DHRS9: variants seen among roughly 807,000 people sequenced by gnomAD.
The protein encoded by DHRS9 is dehydrogenase/reductase 9.
Under a neutral mutation model 26.6 loss-of-function variants are expected in DHRS9, and 18 were observed. The ratio of observed to expected loss-of-function variants is 0.68; its 90% CI spans 0.47 to 1.00. DHRS9 has a LOEUF of 1.00. Among genes scored for constraint, DHRS9 ranks in the 50% least tolerant of loss-of-function variants. The probability of loss-of-function intolerance (pLI) is 0.00; values close to 1 mark genes in which losing one functional copy is unlikely to be tolerated. For missense variants in DHRS9, 425 were observed against 378.7 expected, an observed-to-expected ratio of 1.12 and a Z score of -1.01; for synonymous variants, 134 against 141.1, an observed-to-expected ratio of 0.95 and a Z score of 0.36.
chr2:169,081,750 A>G lies in DHRS9; in HGVS notation c.169A>G (p.Ile57Val), dbSNP rs1362917785. The change falls in exon 2 of 5, where the codon ATC (isoleucine) becomes GTC (valine). Residue 57 changes from isoleucine to valine, a missense_variant. By Grantham distance (29) the Ile-to-Val change is conservative (BLOSUM62 3). Coordinates refer to ENST00000674881, the MANE Select transcript of DHRS9 (RefSeq NM_001376924.1). ...RTFDKKGFHVIAACLTESGST... is the reference protein window; with the variant it reads ...RTFDKKGFHVVAACLTESGST... ...TTTTGATAAAAAGGGATTTCATGTA[A>G]TCGCTGCCTGTCTGACTGAATCAGG... 1 of 1,614,208 alleles carries G rather than the reference A, an allele frequency of 6.2e-7. No individual in the cohort carries two copies. The highest frequency in any genetic ancestry group is 1.7e-5 in the Admixed American group (1 of 60,026).
chr2:169,072,289 A>G (rs7580248), intron 1 of DHRS9, among the ~76,000 whole-genome samples: 3,018 of 152,266 alleles, frequency 0.02, 101 homozygotes, highest in African/African-American at 0.068. Flanking sequence ...ATTGCAACAC[A>G]TTGGAAGTAA....
chr2:169,080,466 A>G (rs1037106802), intron 1 of DHRS9, among the ~76,000 whole-genome samples: 1 of 152,248 alleles, frequency 6.6e-6, no homozygotes, highest in Non-Finnish European at 1.5e-5. Context: ...GCAGCTGGCC[A>G]TACAGCCTTG....
intron 2 of DHRS9, among the ~76,000 whole-genome samples, chr2:169,082,695 CA>C (rs1321530046): frequency 6.6e-6 from 1 of 151,894 alleles, no homozygotes; most frequent in East Asian, 1.9e-4. Flanking sequence ...AATTCTTAAC[CA>C]AAAATAAATG....
intron 4 of DHRS9, 55 bp downstream of exon 4, chr2:169,092,008 G>A: frequency 1.3e-6 from 2 of 1,563,950 alleles, no homozygotes; most frequent in Non-Finnish European, 1.7e-6. Flanking sequence ...TGAACAGCAT[G>A]AAGGAGATTC....
At chr2:169,067,284 A>C, upstream of DHRS9, 1 of 1,534,746 alleles carries the variant, frequency 6.5e-7, no homozygotes, top group Non-Finnish European at 8.7e-7. Context: ...GCTTTCCTCC[A>C]GTTGAAGCTC....
intron 4 of DHRS9, among the ~76,000 whole-genome samples, chr2:169,095,342 C>G (rs1465174178): frequency 6.6e-6 from 1 of 152,052 alleles, no homozygotes; most frequent in Non-Finnish European, 1.5e-5. Context: ...TGCTGCCAAC[C>G]CAATCTTGAG....
At chr2:169,076,217 C>T (rs1463389699) in intron 1 of DHRS9, among the ~76,000 whole-genome samples, 1 of 152,134 alleles carries the variant, frequency 6.6e-6, no homozygotes, top group Non-Finnish European at 1.5e-5. Flanking sequence ...TGAGTTATTA[C>T]CCATTATCAC....
intron 1 of DHRS9, among the ~76,000 whole-genome samples, chr2:169,079,452 T>C (rs1684073444): frequency 6.6e-6 from 1 of 152,134 alleles, no homozygotes; most frequent in Non-Finnish European, 1.5e-5. Flanking sequence ...CATTACTATC[T>C]TCTTTTTTTC....
chr2:169,075,984 G>GA (rs1311994985), intron 1 of DHRS9, among the ~76,000 whole-genome samples: 1 of 152,134 alleles, frequency 6.6e-6, no homozygotes, highest in East Asian at 1.9e-4. Context: ...ATTCTATAAT[G>GA]ACTGTCTGTC....
chr2:169,073,680 A>T (rs941598827), intron 1 of DHRS9, among the ~76,000 whole-genome samples: 2 of 152,218 alleles, frequency 1.3e-5, no homozygotes, highest in African/African-American at 4.8e-5. Context: ...TGACAAAAAG[A>T]CATTTTAAAA....
intron 1 of DHRS9, among the ~76,000 whole-genome samples, chr2:169,075,118 C>T (rs1221887683): frequency 6.6e-6 from 1 of 152,198 alleles, no homozygotes; most frequent in Non-Finnish European, 1.5e-5. Context: ...CAAGTTACTA[C>T]ACTCCAAAAG....
chr2:169,083,526 A>T lies in DHRS9; in HGVS notation c.511A>T (p.Ile171Phe), dbSNP rs771524550. ...CTCCAGTGTTGGAGGTCGCCTTGCA[A>T]TCGTTGGAGGGGGCTATACTCCATC... Reference protein sequence around the residue: ...NVSSVGGRLAIVGGGYTPSKY... With the variant: ...NVSSVGGRLAFVGGGYTPSKY... Residue 171 changes from isoleucine to phenylalanine, a missense_variant, in exon 3 of 5, where the codon ATC (isoleucine) becomes TTC (phenylalanine). Transcript: ENST00000674881. 3.4e-5 allele frequency: 55 copies of T among 1,613,970 alleles called. No individual in the cohort carries two copies. Among genetic ancestry groups the T allele is most frequent in the Non-Finnish European group, 4.4e-5 (52 of 1,180,000 alleles).
In DHRS9 at chr2:169,095,600, G is replaced by A; in HGVS notation, c.793G>A (p.Val265Ile). ...SYVNMDLSPV[V>I]ECMDHALTSL... ...TGTGAACATGGACCTCTCTCCGGTG[G>A]TAGAGTGCATGGACCACGCTCTAAC... Residue 265 changes from valine (V) to isoleucine (I), a missense_variant, in exon 5 of 5, where the codon GTA (valine) becomes ATA (isoleucine). Val to Ile is a conservative substitution (Grantham distance 29, BLOSUM62 3). Coordinates refer to ENST00000674881, the MANE Select transcript of DHRS9 (RefSeq NM_001376924.1). 6.2e-7 allele frequency: 1 copy of A among 1,613,918 alleles called. No individual in the cohort carries two copies. Among genetic ancestry groups the A allele is most frequent in the Non-Finnish European group, 8.5e-7 (1 of 1,179,894 alleles).
chr2:169,072,628 G>C, intron 1 of DHRS9: 1 of 985,432 alleles, frequency 1.0e-6, no homozygotes, highest in South Asian at 4.7e-5. Flanking sequence ...GAGAGCGCTC[G>C]AGTTGCAATA....
Position 169,083,415 on chromosome 2 carries a change from A to G in DHRS9, c.400A>G (p.Ile134Val), listed in dbSNP as rs1284108477. The G allele has an allele frequency of 1.9e-6, 3 of 1,614,132 alleles. No individual in the cohort carries two copies. The highest frequency in any genetic ancestry group is 2.5e-6 in the Non-Finnish European group (3 of 1,180,006). The part of the protein sequence containing the change: ...WLTLEDYREP[I>V]EVNLFGLISV... ...GACACTAGAGGACTACAGAGAACCTATTGAAGTGAACCTGTTTGGACTCAT... is the reference window on the plus strand; with the variant it reads ...GACACTAGAGGACTACAGAGAACCTGTTGAAGTGAACCTGTTTGGACTCAT... Residue 134 changes from isoleucine (I) to valine (V), a missense_variant, in exon 3 of 5, where the codon ATT (isoleucine) becomes GTT (valine). Physicochemically the swap from Ile to Val is conservative, Grantham distance 29. Transcript: ENST00000674881.
chr2:169,084,295 G>A (rs1684283988), intron 3 of DHRS9, among the ~76,000 whole-genome samples: 1 of 152,048 alleles, frequency 6.6e-6, no homozygotes, highest in South Asian at 2.1e-4. Context: ...GTGCTACAAC[G>A]AACATGATAG....
chr2:169,076,868 G>A (rs571187025), intron 1 of DHRS9, among the ~76,000 whole-genome samples: 2 of 152,254 alleles, frequency 1.3e-5, no homozygotes, highest in East Asian at 3.9e-4. Context: ...TTATAAACTA[G>A]AGAAAAGAAA....
intron 1 of DHRS9, among the ~76,000 whole-genome samples, chr2:169,079,641 GC>G (rs1171121844): frequency 7.9e-5 from 12 of 151,780 alleles, no homozygotes; most frequent in Non-Finnish European, 1.6e-4. Flanking sequence ...ATCACCTGAG[GC>G]CAGGAGTTCA....
rs1464693483 is a variant in DHRS9, at chr2:169,083,554, A to C, written c.539A>C (p.Lys180Thr). The C allele has an allele frequency of 2.5e-6, 4 of 1,614,100 alleles. No individual in the cohort carries two copies. Among genetic ancestry groups the C allele is most frequent in the Non-Finnish European group, 3.4e-6 (4 of 1,179,990 alleles). Residue 180 changes from lysine to threonine, a missense_variant, in exon 3 of 5, where the codon AAA becomes ACA. Lys to Thr is a moderately conservative substitution (Grantham distance 78). Transcript: ENST00000674881. ...GTTGGAGGGGGCTATACTCCATCCA[A>C]ATATGCAGTGGAAGGTTTCAATGAC... ...AIVGGGYTPS[K>T]YAVEGFNDSL...
Sources: gnomAD v4.1 joint callset for allele counts (sites outside exome capture counted in the v4.1 genomes callset) on GRCh38, gnomAD v4.1.1 for gene constraint, MANE v1.5 for transcripts, NCBI Gene and HGNC (gene_info 2026-07-23, HGNC 2026-07-21) for gene names.